ARHGAP32: variants seen among roughly 807,000 people sequenced by gnomAD.
The protein encoded by ARHGAP32 is rho GTPase-activating protein 32.
Under a neutral mutation model 186.5 loss-of-function variants are expected in ARHGAP32, and 51 were observed. The observed-to-expected ratio is 0.27, with a 90% CI of 0.22 to 0.35. The LOEUF (loss-of-function observed/expected upper bound fraction) is 0.35, where lower values mean the gene tolerates loss of function less well. Ranked by LOEUF, ARHGAP32 falls within the 10% of genes least tolerant of loss-of-function variation. The pLI, the probability that ARHGAP32 is intolerant of heterozygous loss-of-function variation, is 1.00. For missense variants in ARHGAP32, 2,186 were observed against 2,623.5 expected (o/e 0.83, Z 3.64); for synonymous variants, 950 against 964.3 (o/e 0.99, Z 0.27).
chr11:129,276,134 CA>C (rs1441497449), intron 1 of ARHGAP32, among the ~76,000 whole-genome samples: 4 of 152,234 alleles, frequency 2.6e-5, no homozygotes, highest in Admixed American at 2.6e-4. Flanking sequence ...AAAGCAGCAG[CA>C]GCAGTAGCTC....
chr11:129,110,507 T>C lies in ARHGAP32; in HGVS notation c.444+12939A>G, dbSNP rs140838073. Among the ~76,000 whole-genome samples, 582 of 152,312 alleles carry C rather than the reference T, an allele frequency of 3.8e-3. 8 individuals carry two copies. In the South Asian group the frequency reaches 0.045, roughly 12 times the overall value. On this transcript the variant is annotated intron_variant, in intron 5 of 22. Coordinates refer to ENST00000682385, the MANE Select transcript of ARHGAP32 (RefSeq NM_001378024.1). ...CATTGGTATTTTCATAGACATTGTA[T>C]TGAATCTACAAATTGCTTTGTACAG...
chr11:129,099,120 G>A (rs1349836089), intron 5 of ARHGAP32, among the ~76,000 whole-genome samples: 1 of 152,204 alleles, frequency 6.6e-6, no homozygotes, highest in African/African-American at 2.4e-5. Context: ...CTCCTTATCA[G>A]TAATTACTTT....
intron 2 of ARHGAP32, among the ~76,000 whole-genome samples, chr11:129,155,714 A>G (rs1192066897): frequency 6.6e-6 from 1 of 151,196 alleles, no homozygotes; most frequent in Non-Finnish European, 1.5e-5. Context: ...AAAAAAAACA[A>G]ATTGGTTTAA....
In ARHGAP32 at chr11:129,078,987, T is replaced by C. The variant is rs575445362; in HGVS notation, c.532-12119A>G. On this transcript the variant is annotated intron_variant, in intron 6 of 22. Transcript: ENST00000682385. ...AAAATAGACTGGAAATTTTCAACAA[T>C]AGATTCAAACAAGTAAAAGAAGGAA... Among the ~76,000 whole-genome samples, 52 of 150,094 alleles carry C rather than the reference T, an allele frequency of 3.5e-4. No individual in the cohort carries two copies. In the South Asian group the frequency reaches 4.2e-3, roughly 12 times the overall value.
chr11:129,186,111 CTATT>C (rs1213667238), intron 1 of ARHGAP32, among the ~76,000 whole-genome samples: 1 of 152,054 alleles, frequency 6.6e-6, no homozygotes, highest in African/African-American at 2.4e-5. Context: ...GTCCTATTGA[CTATT>C]TAAGAGAGTT....
intron 1 of ARHGAP32, among the ~76,000 whole-genome samples, chr11:129,214,205 T>C (rs559652522): frequency 6.6e-6 from 1 of 152,160 alleles, no homozygotes; most frequent in South Asian, 2.1e-4. Context: ...AATCCTGGAA[T>C]AGAAGAAAAA....
chr11:128,985,731 C>T (rs1945843836), intron 15 of ARHGAP32: 1 of 159,616 alleles, frequency 6.3e-6, no homozygotes, highest in East Asian at 1.7e-4. Context: ...GAATGCTAAA[C>T]AGTGTGCCAG....
intron 1 of ARHGAP32, among the ~76,000 whole-genome samples, chr11:129,185,874 G>A: frequency 6.6e-6 from 1 of 152,024 alleles, no homozygotes; most frequent in East Asian, 1.9e-4. Context: ...TTTTCAAATA[G>A]AGAAAATACA....
intron 1 of ARHGAP32, among the ~76,000 whole-genome samples, chr11:129,249,522 T>TG (rs747271414): frequency 2.6e-5 from 4 of 152,174 alleles, no homozygotes; most frequent in Non-Finnish European, 5.9e-5. Flanking sequence ...TCTAAGACAC[T>TG]GCTGCTGACT....
chr11:129,160,957 A>G (rs1943516800), intron 2 of ARHGAP32, among the ~76,000 whole-genome samples: 1 of 152,212 alleles, frequency 6.6e-6, no homozygotes, highest in Admixed American at 6.5e-5. Flanking sequence ...CAAAACAGAT[A>G]TATAGACCAA....
chr11:129,127,703 C>A (rs1356559235), intron 2 of ARHGAP32, among the ~76,000 whole-genome samples: 2 of 151,876 alleles, frequency 1.3e-5, no homozygotes, highest in East Asian at 3.9e-4. Context: ...TCTGTTGCTC[C>A]AAACCAAAGA....
At chr11:129,129,550 G>A (rs1379971352) in intron 2 of ARHGAP32, among the ~76,000 whole-genome samples, 1 of 152,268 alleles carries the variant, frequency 6.6e-6, no homozygotes, top group Non-Finnish European at 1.5e-5. Flanking sequence ...ACAGCTCATT[G>A]AGAACGGGCC....
upstream of ARHGAP32, among the ~76,000 whole-genome samples, chr11:129,279,502 C>T (rs1945583763): frequency 6.9e-6 from 1 of 144,188 alleles, no homozygotes; most frequent in South Asian, 2.1e-4. Flanking sequence ...CTGACGCCTT[C>T]GGGCCGCCCC....
At chr11:129,139,828 A>G (rs1484046796) in intron 2 of ARHGAP32, among the ~76,000 whole-genome samples, 1 of 152,160 alleles carries the variant, frequency 6.6e-6, no homozygotes, top group Non-Finnish European at 1.5e-5. Context: ...ACAAACTAAT[A>G]TATCAATGTT....
rs529405474 is a variant in ARHGAP32, at chr11:129,267,852, A to C, written c.-5+11294T>G. ...AAGGCAAAGGGGAGCCAGCATGTGCAGAGATCACATGGTGAGAGAGGAAGC... is the reference window on the plus strand; with the variant it reads ...AAGGCAAAGGGGAGCCAGCATGTGCCGAGATCACATGGTGAGAGAGGAAGC... On this transcript the variant is annotated intron_variant, in intron 1 of 6. Coordinates refer to the ARHGAP32 transcript ENST00000525234. 5.1e-4 allele frequency among the ~76,000 whole-genome samples: 78 copies of C among 152,302 alleles called. 1 individual carries two copies. Among genetic ancestry groups the C allele is most frequent in the African/African-American group, 1.7e-3 (71 of 41,556 alleles).
chr11:129,156,046 G>A (rs980185474), intron 2 of ARHGAP32, among the ~76,000 whole-genome samples: 2 of 151,950 alleles, frequency 1.3e-5, no homozygotes, highest in Admixed American at 6.6e-5. Context: ...CGTGAGAAAC[G>A]GTGCATTCTG....
chr11:129,263,105 C>T (rs911428477), intron 1 of ARHGAP32, among the ~76,000 whole-genome samples: 1 of 152,018 alleles, frequency 6.6e-6, no homozygotes, highest in African/African-American at 2.4e-5. Flanking sequence ...CAAAGTGGAT[C>T]AACGATCTAA....
chr11:128,986,811 A>C (rs1945886271), intron 13 of ARHGAP32, 143 bp from the exon 14 acceptor site: 1 of 781,710 alleles, frequency 1.3e-6, no homozygotes, highest in African/African-American at 1.7e-5. Flanking sequence ...TATTTCATTT[A>C]AGTTGTGTTT....
In ARHGAP32 at chr11:128,969,196, T is replaced by G. The variant is rs767665521; in HGVS notation, c.6017A>C (p.His2006Pro). The G allele has an allele frequency of 3.1e-6, 5 of 1,613,886 alleles. No individual in the cohort carries two copies. In the Admixed American group the frequency reaches 5.0e-5, roughly 16 times the overall value. Residue 2006 changes from histidine (H) to proline (P), a missense_variant, in exon 23 of 23, where the codon CAT becomes CCT. Physicochemically the swap from His to Pro is moderately conservative, Grantham distance 77. Transcript: ENST00000682385. The surrounding 1 kb of genome is among the most constrained non-coding windows in gnomAD (Gnocchi z 4.8). Reference protein sequence around the residue: ...KPERSHSLKLHHTQNVERDPS... With the variant: ...KPERSHSLKLPHTQNVERDPS... ...GTCCCTCTCCACGTTCTGGGTATGATGGAGTTTGAGGCTATGACTCCTCTC... is the reference window on the plus strand; with the variant it reads ...GTCCCTCTCCACGTTCTGGGTATGAGGGAGTTTGAGGCTATGACTCCTCTC...
Sources: allele counts gnomAD v4.1 joint callset (sites outside exome capture counted in the v4.1 genomes callset), GRCh38; gene constraint gnomAD v4.1.1; non-coding constraint Gnocchi (gnomAD v3.1); transcripts MANE v1.5; gene names NCBI Gene and HGNC (gene_info 2026-07-23, HGNC 2026-07-21).